ARID4B: variants seen among roughly 807,000 people sequenced by gnomAD.
ARID4B encodes the protein AT-rich interactive domain-containing protein 4B.
A neutral mutation model predicts 147.5 loss-of-function variants in ARID4B; 26 were observed. The observed-to-expected ratio is 0.18, with a 90% CI of 0.13 to 0.24. The LOEUF (loss-of-function observed/expected upper bound fraction) is 0.24. ARID4B is among the 10% of genes least tolerant of loss of function. The pLI is 1.00. For missense variants in ARID4B, 1,179 were observed against 1,511.5 expected, an observed-to-expected ratio of 0.78 and a Z score of 3.65; for synonymous variants, 512 against 507.9, an observed-to-expected ratio of 1.01 and a Z score of -0.11.
chr1:235,196,792 C>T (rs1397662121), intron 17 of ARID4B, among the ~76,000 whole-genome samples: 1 of 142,302 alleles, frequency 7.0e-6, no homozygotes, highest in Non-Finnish European at 1.5e-5. Flanking sequence ...GCGGAGCTTG[C>T]AGTGAGCTGA....
At chr1:235,305,195 C>T (rs1327516804) in intron 2 of ARID4B, among the ~76,000 whole-genome samples, 1 of 152,106 alleles carries the variant, frequency 6.6e-6, no homozygotes, top group African/African-American at 2.4e-5. Context: ...CACCAGGCTG[C>T]TGGCTTTGAA....
chr1:235,320,130 A>C (rs959246146), intron 2 of ARID4B, among the ~76,000 whole-genome samples: 17 of 151,282 alleles, frequency 1.1e-4, no homozygotes, highest in Admixed American at 1.3e-4. Context: ...CGTCTAAAAA[A>C]AAAAAAACAA....
At chr1:235,200,720 A>G (rs1484214938) in intron 17 of ARID4B, among the ~76,000 whole-genome samples, 1 of 152,232 alleles carries the variant, frequency 6.6e-6, no homozygotes, top group African/African-American at 2.4e-5. Flanking sequence ...TTTTAAAAAT[A>G]CAGTACATTT....
intron 5 of ARID4B, among the ~76,000 whole-genome samples, chr1:235,253,400 C>T (rs1669762401): frequency 6.6e-6 from 1 of 152,122 alleles, no homozygotes; most frequent in Non-Finnish European, 1.5e-5. Context: ...GCTGTGACAA[C>T]CTAAAATGTC....
chr1:235,175,106 TA>T, intron 22 of ARID4B, 77 bp downstream of exon 22: 1 of 1,373,306 alleles, frequency 7.3e-7, no homozygotes, highest in Non-Finnish European at 1.0e-6. Flanking sequence ...ACTCTGTCTC[TA>T]AAAACAAAAA....
At chr1:235,220,171 G>T (rs1667358856) in intron 15 of ARID4B, 131 bp downstream of exon 15, 1 of 907,924 alleles carries the variant, frequency 1.1e-6, no homozygotes, top group Non-Finnish European at 1.5e-6. Flanking sequence ...TTATACAAAA[G>T]TAGCACTTAA....
At chr1:235,217,853 T>C (rs946952561) in intron 16 of ARID4B, among the ~76,000 whole-genome samples, 2 of 152,130 alleles carry the variant, frequency 1.3e-5, no homozygotes, top group African/African-American at 2.4e-5. Flanking sequence ...TAAGCCCCTC[T>C]TATCTGCAAG....
chr1:235,264,711 T>C lies in ARID4B; in HGVS notation c.7-3959A>G, dbSNP rs150216760. Among the ~76,000 whole-genome samples, 401 of 152,386 alleles carry C rather than the reference T, an allele frequency of 2.6e-3. 2 individuals carry two copies. The highest frequency in any genetic ancestry group is 0.024 in the Middle Eastern group (7 of 294). On this transcript the variant is annotated intron_variant, in intron 2 of 23. Transcript: ENST00000264183. ...GTGGACAAACAAGTCATTTTATCAA[T>C]AGTAATTCAGATTTGGTTCCCTTCC... is the stretch of plus-strand genomic sequence containing the variant.
At chr1:235,268,169 T>C (rs1451706476) in intron 2 of ARID4B, among the ~76,000 whole-genome samples, 1 of 152,002 alleles carries the variant, frequency 6.6e-6, no homozygotes, top group Non-Finnish European at 1.5e-5. Flanking sequence ...GGCTGGAAGA[T>C]CCATTACCCG....
intron 7 of ARID4B, among the ~76,000 whole-genome samples, chr1:235,243,564 C>T (rs1334321522): frequency 6.6e-6 from 1 of 152,034 alleles, no homozygotes; most frequent in Non-Finnish European, 1.5e-5. Flanking sequence ...CTCTAACAGC[C>T]AATCACTTAA....
rs200943393 is a variant in ARID4B at position 235,168,666 on chromosome 1, A to T, written c.3812-14T>A. 2.6e-4 allele frequency: 425 copies of T among 1,607,706 alleles called. 1 individual carries two copies. The South Asian group carries it at 4.4e-3, about 17-fold the overall frequency. On this transcript the variant is annotated splice_polypyrimidine_tract_variant and intron_variant, in intron 23 of 23. Transcript: ENST00000264183. Reference sequence around the variant, plus strand: ...ATGTAGCAGCACCTAAGGAAAAGGGAGACCAAACCAAGAGCTTAATAAAAA... The same window carrying T: ...ATGTAGCAGCACCTAAGGAAAAGGGTGACCAAACCAAGAGCTTAATAAAAA...
intron 17 of ARID4B, among the ~76,000 whole-genome samples, chr1:235,198,468 T>G (rs1264029212): frequency 6.6e-6 from 1 of 152,196 alleles, no homozygotes; most frequent in Admixed American, 6.5e-5. Flanking sequence ...TCAGATATAA[T>G]GTATGTTGTT....
At chr1:235,315,278 T>G (rs961634452) in intron 2 of ARID4B, among the ~76,000 whole-genome samples, 1 of 152,050 alleles carries the variant, frequency 6.6e-6, no homozygotes, top group African/African-American at 2.4e-5. Flanking sequence ...ACAAAAAAAT[T>G]TAGCGAGGCA....
chr1:235,266,068 T>C lies in ARID4B; in HGVS notation c.7-5316A>G, dbSNP rs982387807. On this transcript the variant is annotated intron_variant, in intron 2 of 23. Coordinates refer to ENST00000264183, the MANE Select transcript of ARID4B (RefSeq NM_016374.6). ...GGGAAGAGGGGTTCCTTTAAAATAT[T>C]TTCTCCCTTATTCAATCCAGACATG... is the stretch of plus-strand genomic sequence containing the variant. Among the ~76,000 whole-genome samples the C allele has an allele frequency of 1.3e-3, 192 of 152,242 alleles. 1 individual carries two copies. The highest frequency in any genetic ancestry group is 4.5e-3 in the African/African-American group (188 of 41,524).
At chr1:235,193,928 G>C in intron 19 of ARID4B, 85 bp downstream of exon 19, 1 of 995,650 alleles carries the variant, frequency 1.0e-6, no homozygotes, top group Non-Finnish European at 1.5e-6. Context: ...AACAGTAGTT[G>C]GTAATGTCAC....
At chr1:235,177,433 G>A (rs867281676) in intron 21 of ARID4B, among the ~76,000 whole-genome samples, 1 of 152,048 alleles carries the variant, frequency 6.6e-6, no homozygotes, top group Non-Finnish European at 1.5e-5. Context: ...TAGAAAACCT[G>A]TGTTTTTTTT....
chr1:235,192,544 GT>G (rs760329490), intron 19 of ARID4B, among the ~76,000 whole-genome samples: 4 of 151,324 alleles, frequency 2.6e-5, no homozygotes, highest in Non-Finnish European at 5.9e-5. Flanking sequence ...ACAGCATTTG[GT>G]TTATAAAATA....
chr1:235,183,040 A>G (rs904109590), intron 19 of ARID4B, among the ~76,000 whole-genome samples: 1 of 152,158 alleles, frequency 6.6e-6, no homozygotes, highest in African/African-American at 2.4e-5. Flanking sequence ...AACCCATCAC[A>G]TTTTAAACAT....
chr1:235,267,661 T>C (rs1670693333), intron 2 of ARID4B, among the ~76,000 whole-genome samples: 1 of 151,974 alleles, frequency 6.6e-6, no homozygotes, highest in South Asian at 2.1e-4. Context: ...TGAAACCCCG[T>C]CTCTACTAAA....
Sources: allele counts gnomAD v4.1 joint callset (sites outside exome capture counted in the v4.1 genomes callset), GRCh38; gene constraint gnomAD v4.1.1; transcripts MANE v1.5; gene names NCBI Gene and HGNC (gene_info 2026-07-23, HGNC 2026-07-21).